ARHGAP24: variants seen among roughly 807,000 people sequenced by gnomAD.
ARHGAP24 encodes the protein rho GTPase-activating protein 24.
In ARHGAP24, 50 loss-of-function variants were observed where a neutral mutation model predicts 76.4. The observed-to-expected ratio is 0.65, with a 90% CI of 0.52 to 0.83. ARHGAP24 has a LOEUF of 0.83. ARHGAP24 is among the 40% of genes least tolerant of loss of function. ARHGAP24 has a pLI of 0.00. For missense variants in ARHGAP24, 930 were observed against 914.2 expected (o/e 1.02, Z -0.22); for synonymous variants, 345 against 323.3 (o/e 1.07, Z -0.72).
chr4:85,742,890 G>A (rs956105667), intron 3 of ARHGAP24, among the ~76,000 whole-genome samples: 1 of 152,096 alleles, frequency 6.6e-6, no homozygotes, highest in African/African-American at 2.4e-5. Context: ...TTAGAATATC[G>A]ATTAAACTTG....
chr4:85,616,244 G>A (rs1720534606), intron 2 of ARHGAP24, among the ~76,000 whole-genome samples: 1 of 152,192 alleles, frequency 6.6e-6, no homozygotes, highest in Admixed American at 6.5e-5. Context: ...AGTTATTTGA[G>A]CAATAGCTTT....
chr4:85,965,029 G>GAAAAGATC (rs1425235432), intron 5 of ARHGAP24, among the ~76,000 whole-genome samples: 1 of 152,140 alleles, frequency 6.6e-6, no homozygotes, highest in East Asian at 1.9e-4. Flanking sequence ...AGGGAGGAAA[G>GAAAAGATC]AAAAGATCAA....
At chr4:85,670,747 CT>C (rs151125429) in intron 2 of ARHGAP24, among the ~76,000 whole-genome samples, 4,455 of 152,236 alleles carry the variant, frequency 0.029, 202 homozygotes, top group African/African-American at 0.1. Flanking sequence ...ACTCCCTGTA[CT>C]TTAGATCATT....
chr4:85,861,547 C>T lies in ARHGAP24; in HGVS notation c.269-62101C>T, dbSNP rs147235393. Among the ~76,000 whole-genome samples, 18 of 152,154 alleles carry T rather than the reference C, an allele frequency of 1.2e-4. No individual in the cohort carries two copies. In the East Asian group the frequency reaches 2.7e-3, roughly 23 times the overall value. ...GAAACAAAGCATGAAGCAAGACATACGTGTTGTGCACTGCTTGGGCATGTT... is the reference window on the plus strand; with the variant it reads ...GAAACAAAGCATGAAGCAAGACATATGTGTTGTGCACTGCTTGGGCATGTT... On this transcript the variant is annotated intron_variant, in intron 3 of 9. Transcript: ENST00000395184.
chr4:85,608,868 A>G (rs933269759), intron 2 of ARHGAP24, among the ~76,000 whole-genome samples: 5 of 152,050 alleles, frequency 3.3e-5, no homozygotes, highest in African/African-American at 1.2e-4. Flanking sequence ...CCAGTACTCA[A>G]TGTTTTTAAA....
intron 3 of ARHGAP24, among the ~76,000 whole-genome samples, chr4:85,767,814 C>T (rs894419221): frequency 1.3e-5 from 2 of 152,098 alleles, no homozygotes; most frequent in Non-Finnish European, 2.9e-5. Context: ...AACTCTGTTA[C>T]CCTGTTTTTG....
chr4:85,543,921 A>C (rs961531148), intron 1 of ARHGAP24, among the ~76,000 whole-genome samples: 1 of 152,198 alleles, frequency 6.6e-6, no homozygotes, highest in Non-Finnish European at 1.5e-5. Context: ...CAGAAAGCTA[A>C]ATAACCCAGA....
chr4:85,596,746 T>A (rs188494484), intron 2 of ARHGAP24, among the ~76,000 whole-genome samples: 34 of 152,132 alleles, frequency 2.2e-4, no homozygotes, highest in African/African-American at 7.7e-4. Flanking sequence ...TATCCATAAT[T>A]TTCCCTAGGT....
chr4:85,683,322 T>C (rs1169525322), intron 2 of ARHGAP24, among the ~76,000 whole-genome samples: 1 of 152,128 alleles, frequency 6.6e-6, no homozygotes, highest in East Asian at 1.9e-4. Flanking sequence ...TGTAATGGTG[T>C]GGTATGATTA....
chr4:85,865,863 G>A (rs750802816), intron 3 of ARHGAP24, among the ~76,000 whole-genome samples: 10 of 151,594 alleles, frequency 6.6e-5, no homozygotes, highest in South Asian at 2.1e-4. Flanking sequence ...TATCTACAAC[G>A]TATTCCCTGT....
intron 2 of ARHGAP24, among the ~76,000 whole-genome samples, chr4:85,608,077 C>T (rs1720263189): frequency 6.6e-6 from 1 of 152,058 alleles, no homozygotes; most frequent in Non-Finnish European, 1.5e-5. Flanking sequence ...TATTTAAGAG[C>T]CTTCTTTGTC....
chr4:85,772,600 C>T (rs7680588), intron 3 of ARHGAP24, among the ~76,000 whole-genome samples: 34,263 of 152,068 alleles, frequency 0.23, 4,112 homozygotes, highest in Admixed American at 0.29. Flanking sequence ...CTCGTTTCCA[C>T]TGGCTGTCCT....
At chr4:85,915,097 A>G (rs907793405) in intron 3 of ARHGAP24, among the ~76,000 whole-genome samples, 3 of 152,254 alleles carry the variant, frequency 2.0e-5, no homozygotes, top group African/African-American at 7.2e-5. Context: ...GGAAGTAACT[A>G]GATTCTGAAT....
rs1412433649 is a variant in ARHGAP24 at position 85,995,637 on chromosome 4, G to GTA, written c.1985_1986dup (p.Glu663MetfsTer5). ...AGGAAATGACCAAACAGAAGATAGA[G>GTA]TATGAGTCCAGGATAAAGAGGTAAG... is the stretch of plus-strand genomic sequence containing the variant. On this transcript the variant is annotated frameshift_variant, in exon 9 of 10. Transcript: ENST00000395184. LOFTEE classifies it high-confidence loss of function. 1 of 1,613,852 alleles carries GTA rather than the reference G, an allele frequency of 6.2e-7. No individual in the cohort carries two copies. Among genetic ancestry groups the GTA allele is most frequent in the East Asian group, 2.2e-5 (1 of 44,862 alleles).
intron 3 of ARHGAP24, among the ~76,000 whole-genome samples, chr4:85,781,279 A>C (rs960396971): frequency 1.3e-5 from 2 of 152,224 alleles, no homozygotes; most frequent in African/African-American, 4.8e-5. Flanking sequence ...TAGTAGCACA[A>C]TATATGACAA....
intron 8 of ARHGAP24, among the ~76,000 whole-genome samples, chr4:85,982,469 G>C (rs1264499238): frequency 6.6e-6 from 1 of 151,980 alleles, no homozygotes; most frequent in African/African-American, 2.4e-5. Context: ...TCACGGGAAG[G>C]TCTCCCCATT....
chr4:85,728,044 T>C (rs867955925), intron 3 of ARHGAP24, among the ~76,000 whole-genome samples: 1 of 152,042 alleles, frequency 6.6e-6, no homozygotes, highest in Non-Finnish European at 1.5e-5. Flanking sequence ...TTATTTATCC[T>C]ACCTTTAGCC....
chr4:85,723,806 G>A (rs1725049604), intron 3 of ARHGAP24: 1 of 152,154 alleles, frequency 6.6e-6, no homozygotes, highest in South Asian at 2.1e-4. Context: ...GGTCACTGGG[G>A]CTTTACTGGT....
At chr4:85,527,726 G>A (rs971720662) in intron 1 of ARHGAP24, among the ~76,000 whole-genome samples, 1 of 151,930 alleles carries the variant, frequency 6.6e-6, no homozygotes, top group African/African-American at 2.4e-5. Flanking sequence ...TGTTTCCCAA[G>A]CATCATTTTG....
Sources: gnomAD v4.1 joint callset for allele counts (sites outside exome capture counted in the v4.1 genomes callset) on GRCh38, gnomAD v4.1.1 for gene constraint, MANE v1.5 for transcripts, NCBI Gene and HGNC (gene_info 2026-07-23, HGNC 2026-07-21) for gene names.